The following MFHAS1 variants were observed in gnomAD, a reference collection of about 807,000 sequenced individuals.
MFHAS1 encodes multifunctional ROCO family signaling regulator 1, also known as malignant fibrous histiocytoma-amplified sequence 1.
In MFHAS1, 50 loss-of-function variants were observed where a neutral mutation model predicts 70.4. The observed-to-expected ratio is 0.71, with a 90% CI of 0.57 to 0.90. MFHAS1 has a LOEUF of 0.90. Ranked by LOEUF, MFHAS1 falls within the 40% of genes least tolerant of loss-of-function variation. The probability of loss-of-function intolerance (pLI) is 0.00; values close to 1 mark genes in which losing one functional copy is unlikely to be tolerated. For synonymous variants in MFHAS1, 952 were observed against 620.0 expected (o/e 1.54, Z -7.96); for missense variants, 1,795 against 1,347.6 (o/e 1.33, Z -5.20).
intron 1 of MFHAS1, among the ~76,000 whole-genome samples, chr8:8,863,927 G>T (rs1018938897): frequency 1.3e-5 from 2 of 152,164 alleles, no homozygotes; most frequent in African/African-American, 4.8e-5. Context: ...ACTGCATTTG[G>T]ACAAGGAGAC....
chr8:8,843,404 C>G (rs1318163718), intron 1 of MFHAS1, among the ~76,000 whole-genome samples: 1 of 152,048 alleles, frequency 6.6e-6, no homozygotes, highest in African/African-American at 2.4e-5. Context: ...GGCAACATTT[C>G]AAGACCCCAT....
At chr8:8,813,478 C>G (rs1282123701) in intron 1 of MFHAS1, among the ~76,000 whole-genome samples, 1 of 152,116 alleles carries the variant, frequency 6.6e-6, no homozygotes, top group Non-Finnish European at 1.5e-5. Flanking sequence ...TCCAGTGCGA[C>G]AAGATGTGGA....
chr8:8,859,419 A>G (rs1036978369), intron 1 of MFHAS1, among the ~76,000 whole-genome samples: 1 of 152,190 alleles, frequency 6.6e-6, no homozygotes, highest in Admixed American at 6.5e-5. Flanking sequence ...ACACTAAGAT[A>G]CTTGGTGCTA....
At chr8:8,874,450 C>T (rs756819589) in intron 1 of MFHAS1, among the ~76,000 whole-genome samples, 6 of 151,628 alleles carry the variant, frequency 4.0e-5, no homozygotes, top group East Asian at 1.9e-4. Flanking sequence ...TGATCAAATG[C>T]GAGGTGCAGA....
intron 1 of MFHAS1, among the ~76,000 whole-genome samples, chr8:8,876,732 T>A (rs934598218): frequency 6.6e-6 from 1 of 152,028 alleles, no homozygotes; most frequent in Non-Finnish European, 1.5e-5. Flanking sequence ...GGTGTTCATA[T>A]GAACAGAGAT....
chr8:8,788,947 G>A (rs1027341678), intron 2 of MFHAS1, among the ~76,000 whole-genome samples: 5 of 152,160 alleles, frequency 3.3e-5, no homozygotes, highest in Admixed American at 6.5e-5. Flanking sequence ...TGTGAGCCAC[G>A]GCCAGGAGTT....
chr8:8,817,223 C>T (rs1806779888), intron 1 of MFHAS1, among the ~76,000 whole-genome samples: 1 of 151,808 alleles, frequency 6.6e-6, no homozygotes, highest in Non-Finnish European at 1.5e-5. Context: ...CCATAATAAT[C>T]TCTGTCAGCT....
chr8:8,831,138 C>A (rs1807371193), intron 1 of MFHAS1, among the ~76,000 whole-genome samples: 1 of 151,886 alleles, frequency 6.6e-6, no homozygotes, highest in Non-Finnish European at 1.5e-5. Flanking sequence ...CAGAGAGAGA[C>A]ACAGTGGGCT....
At chr8:8,839,018 C>A (rs1467825233) in intron 1 of MFHAS1, among the ~76,000 whole-genome samples, 1 of 152,082 alleles carries the variant, frequency 6.6e-6, no homozygotes, top group Non-Finnish European at 1.5e-5. Flanking sequence ...CAAGTTACTA[C>A]TCAGAAAGAC....
chr8:8,810,158 G>T (rs1806494183), intron 1 of MFHAS1, among the ~76,000 whole-genome samples: 2 of 152,348 alleles, frequency 1.3e-5, no homozygotes, highest in African/African-American at 4.8e-5. Flanking sequence ...CTTGAGACCA[G>T]AAGTTCGAGA....
chr8:8,873,919 T>C (rs567486023), intron 1 of MFHAS1, among the ~76,000 whole-genome samples: 8 of 152,358 alleles, frequency 5.3e-5, no homozygotes, highest in Non-Finnish European at 1.5e-5. Flanking sequence ...TAATTATTGC[T>C]ATGTCTAAAC....
At chr8:8,794,606 G>C (rs1014809833) in intron 2 of MFHAS1, among the ~76,000 whole-genome samples, 2 of 152,144 alleles carry the variant, frequency 1.3e-5, no homozygotes, top group African/African-American at 4.8e-5. Flanking sequence ...CCTTGCAGCT[G>C]CACTAAAATA....
At chr8:8,884,267 T>G (rs1423293752) in intron 1 of MFHAS1, among the ~76,000 whole-genome samples, 1 of 152,188 alleles carries the variant, frequency 6.6e-6, no homozygotes. Flanking sequence ...TTTATCCTAG[T>G]GCCTGATTAA....
At chr8:8,887,878 A>AC (rs1221469959) in intron 1 of MFHAS1, among the ~76,000 whole-genome samples, 1 of 148,176 alleles carries the variant, frequency 6.7e-6, no homozygotes, top group African/African-American at 2.5e-5. Flanking sequence ...AAAAAAAAAA[A>AC]CCTCCAGCCT....
At chr8:8,843,016 A>C (rs1017057633) in intron 1 of MFHAS1, among the ~76,000 whole-genome samples, 3 of 152,182 alleles carry the variant, frequency 2.0e-5, no homozygotes, top group African/African-American at 7.2e-5. Context: ...CTGTAATCCC[A>C]GCACTTTGGG....
chr8:8,854,296 G>C (rs1385890555), intron 1 of MFHAS1, among the ~76,000 whole-genome samples: 2 of 152,090 alleles, frequency 1.3e-5, no homozygotes, highest in Non-Finnish European at 2.9e-5. Context: ...ACTTTGGGAG[G>C]TCAAGAAGAG....
chr8:8,871,568 C>A (rs1352795921), intron 1 of MFHAS1, among the ~76,000 whole-genome samples: 3 of 152,178 alleles, frequency 2.0e-5, no homozygotes, highest in Non-Finnish European at 2.9e-5. Flanking sequence ...GAAAAAACTA[C>A]TTGGGGACTT....
intron 1 of MFHAS1, among the ~76,000 whole-genome samples, chr8:8,867,394 A>C (rs1808898272): frequency 6.6e-6 from 1 of 152,178 alleles, no homozygotes; most frequent in African/African-American, 2.4e-5. Flanking sequence ...TCCAAAATTA[A>C]AAGGAGGCCC....
At chr8:8,880,459 T>G (rs1809474896) in intron 1 of MFHAS1, among the ~76,000 whole-genome samples, 1 of 152,110 alleles carries the variant, frequency 6.6e-6, no homozygotes, top group Non-Finnish European at 1.5e-5. Context: ...AAAAGCAGCA[T>G]CAGTCATCAG....
Sources: gnomAD v4.1 joint callset for allele counts (sites outside exome capture counted in the v4.1 genomes callset) on GRCh38, gnomAD v4.1.1 for gene constraint, MANE v1.5 for transcripts, NCBI Gene and HGNC (gene_info 2026-07-23, HGNC 2026-07-21) for gene names.